Variants in ROBO2 observed in about 807,000 individuals in gnomAD.
ROBO2 encodes the protein roundabout guidance receptor 2.
In ROBO2, 53 loss-of-function variants were observed where a neutral mutation model predicts 160.8. The observed-to-expected ratio is 0.33, with a 90% CI of 0.26 to 0.41. The LOEUF is 0.41. ROBO2 is among the 10% of genes least tolerant of loss of function. ROBO2 has a pLI of 1.00. For missense variants in ROBO2, 1,577 were observed against 1,722.4 expected, an observed-to-expected ratio of 0.92 and a Z score of 1.49; for synonymous variants, 664 against 611.7, an observed-to-expected ratio of 1.09 and a Z score of -1.26.
intron 1 of ROBO2, 125 bp from the exon 2 acceptor site, chr3:77,097,889 G>A (rs1005946631): frequency 1.1e-5 from 10 of 879,810 alleles, no homozygotes; most frequent in South Asian, 6.3e-5. Context: ...TACACAAAAC[G>A]AAACATAAAA....
intron 2 of ROBO2, among the ~76,000 whole-genome samples, chr3:77,221,494 T>G (rs1560274760): frequency 6.6e-6 from 1 of 152,142 alleles, no homozygotes. Context: ...CAGTCTTTTG[T>G]GTATCTCATA....
intron 2 of ROBO2, among the ~76,000 whole-genome samples, chr3:76,956,504 C>A (rs1410910858): frequency 1.3e-5 from 2 of 151,040 alleles, no homozygotes; most frequent in African/African-American, 4.9e-5. Context: ...TTGCAGTGAG[C>A]CGAGATCGCG....
rs967991655 is a variant in ROBO2 at position 76,197,521 on chromosome 3, T to A, written c.109+259919T>A. Among the ~76,000 whole-genome samples, 3 of 152,208 alleles carry A rather than the reference T, an allele frequency of 2.0e-5. No individual in the cohort carries two copies. The East Asian group carries it at 5.8e-4, about 29-fold the overall frequency. On this transcript the variant is annotated intron_variant, in intron 2 of 26. Coordinates refer to the ROBO2 transcript ENST00000487694. ...CTACCTTTCTCCTTTTGGGGAGTGA[T>A]AATCCACCGAGTTAATCAATTTCTC...
intron 2 of ROBO2, among the ~76,000 whole-genome samples, chr3:76,086,168 A>G (rs2069005688): frequency 6.6e-6 from 1 of 152,142 alleles, no homozygotes; most frequent in Admixed American, 6.6e-5. Context: ...CAGAAGCCTT[A>G]GGAAACTTAC....
intron 2 of ROBO2, chr3:76,434,657 C>A: frequency 2.5e-6 from 3 of 1,216,560 alleles, no homozygotes; most frequent in East Asian, 4.7e-5. Context: ...GTGGACTCTG[C>A]CATCTGGACC....
intron 2 of ROBO2, among the ~76,000 whole-genome samples, chr3:77,257,785 G>T (rs1474319971): frequency 1.3e-5 from 2 of 152,142 alleles, no homozygotes; most frequent in Non-Finnish European, 2.9e-5. Flanking sequence ...TGGCGTAATT[G>T]AAGATGTTGT....
chr3:77,356,762 C>T (rs1456763948), intron 2 of ROBO2, among the ~76,000 whole-genome samples: 3 of 152,028 alleles, frequency 2.0e-5, no homozygotes, highest in South Asian at 2.1e-4. Context: ...AGTTGGGCTT[C>T]GTTTCTATAA....
chr3:76,737,570 A>G (rs1290425639), intron 2 of ROBO2, among the ~76,000 whole-genome samples: 1 of 152,196 alleles, frequency 6.6e-6, no homozygotes, highest in Non-Finnish European at 1.5e-5. Context: ...CAATAGTAGC[A>G]GACCTGAATC....
intron 16 of ROBO2, among the ~76,000 whole-genome samples, chr3:77,583,228 C>A (rs1363982101): frequency 2.7e-5 from 4 of 150,220 alleles, no homozygotes; most frequent in African/African-American, 9.8e-5. Context: ...GTCTTTTCAA[C>A]TCAGGGATGC....
chr3:77,528,047 A>T, intron 6 of ROBO2, among the ~76,000 whole-genome samples: 1 of 151,660 alleles, frequency 6.6e-6, no homozygotes, highest in East Asian at 1.9e-4. Flanking sequence ...GTGAAATCTA[A>T]GTAAGTTAAC....
In ROBO2 at chr3:76,681,495, C is replaced by T. The variant is rs565632851; in HGVS notation, c.110-416519C>T. 7.4e-4 allele frequency among the ~76,000 whole-genome samples: 113 copies of T among 151,958 alleles called. 1 individual carries two copies. The highest frequency in any genetic ancestry group is 7.0e-3 in the South Asian group (34 of 4,826). ...TCCAAACTCACCCAAAGTTAATTAG[C>T]AAGTGGCTGAGTCTGGCTTATAAGC... On this transcript the variant is annotated intron_variant, in intron 2 of 26. Transcript: ENST00000487694.
At chr3:77,531,458 A>G (rs1559553803) in intron 6 of ROBO2, among the ~76,000 whole-genome samples, 2 of 151,858 alleles carry the variant, frequency 1.3e-5, no homozygotes, top group African/African-American at 4.8e-5. Context: ...ACTATTTTAG[A>G]AAGTTCTGTT....
At chr3:77,642,204 C>T (rs73116514) in intron 24 of ROBO2, among the ~76,000 whole-genome samples, 21,926 of 152,094 alleles carry the variant, frequency 0.14, 1,678 homozygotes, top group Middle Eastern at 0.22. Flanking sequence ...GCATATGACA[C>T]GGCATACAGT....
chr3:77,168,332 A>C (rs2079294918), intron 2 of ROBO2, among the ~76,000 whole-genome samples: 1 of 152,208 alleles, frequency 6.6e-6, no homozygotes, highest in Admixed American at 6.5e-5. Context: ...GGCTATATAC[A>C]GTTAAAAATG....
chr3:76,122,651 T>G (rs969203031), intron 2 of ROBO2, among the ~76,000 whole-genome samples: 1 of 152,160 alleles, frequency 6.6e-6, no homozygotes, highest in African/African-American at 2.4e-5. Flanking sequence ...GTTATGTTAT[T>G]TAAGTCTTCT....
At chr3:76,445,839 G>T (rs2077154755) in intron 2 of ROBO2, among the ~76,000 whole-genome samples, 1 of 152,060 alleles carries the variant, frequency 6.6e-6, no homozygotes, top group African/African-American at 2.4e-5. Context: ...AAATTCAACA[G>T]CCCCTCATGC....
intron 2 of ROBO2, among the ~76,000 whole-genome samples, chr3:76,623,756 T>A (rs983318427): frequency 6.6e-6 from 1 of 152,182 alleles, no homozygotes; most frequent in African/African-American, 2.4e-5. Context: ...TTAAAGTGCA[T>A]TTTTAGTTTC....
At chr3:76,019,662 G>C (rs1174230465) in intron 2 of ROBO2, among the ~76,000 whole-genome samples, 1 of 151,860 alleles carries the variant, frequency 6.6e-6, no homozygotes, top group African/African-American at 2.4e-5. Context: ...TGAGAATACT[G>C]TGTATTTCTT....
intron 4 of ROBO2, among the ~76,000 whole-genome samples, chr3:77,481,561 T>G (rs183876465): frequency 8.9e-4 from 136 of 152,304 alleles, no homozygotes; most frequent in Admixed American, 8.6e-3. Context: ...AGCTATTATG[T>G]GCAAGATACA....
Sources: allele counts gnomAD v4.1 joint callset (sites outside exome capture counted in the v4.1 genomes callset), GRCh38; gene constraint gnomAD v4.1.1; transcripts MANE v1.5; gene names NCBI Gene and HGNC (gene_info 2026-07-23, HGNC 2026-07-21).